NR3C2: variants seen among roughly 807,000 people sequenced by gnomAD.
NR3C2 encodes the protein nuclear receptor subfamily 3 group C member 2.
NR3C2 carries 15 observed loss-of-function variants against 86.4 expected under a neutral mutation model. That is an observed-to-expected ratio of 0.17 (90% CI 0.12 to 0.27). NR3C2 has a LOEUF of 0.27. Among genes scored for constraint, NR3C2 ranks in the 10% least tolerant of loss-of-function variants. NR3C2 has a pLI of 1.00. For missense variants in NR3C2, 960 were observed against 1,195.6 expected (o/e 0.80, Z 2.91); for synonymous variants, 458 against 450.5 (o/e 1.02, Z -0.21).
intron 8 of NR3C2, among the ~76,000 whole-genome samples, chr4:148,088,250 CTT>C (rs1730906186): frequency 6.6e-6 from 1 of 152,198 alleles, no homozygotes. Flanking sequence ...AATAAGAACA[CTT>C]TTATACTGTT....
intron 2 of NR3C2, among the ~76,000 whole-genome samples, chr4:148,314,059 C>T (rs1346829061): frequency 1.3e-5 from 2 of 152,084 alleles, no homozygotes; most frequent in African/African-American, 4.8e-5. Flanking sequence ...ACTACAATTC[C>T]ACATGTGACT....
chr4:148,139,943 T>C (rs1733531964), intron 6 of NR3C2, among the ~76,000 whole-genome samples: 4 of 152,180 alleles, frequency 2.6e-5, no homozygotes, highest in African/African-American at 9.7e-5. Context: ...AATCGTGTGG[T>C]TCAATTTCAG....
intron 4 of NR3C2, among the ~76,000 whole-genome samples, chr4:148,175,689 T>C (rs950027050): frequency 1.6e-4 from 24 of 152,234 alleles, no homozygotes; most frequent in African/African-American, 5.8e-4. Flanking sequence ...TTTCTATTTT[T>C]CTACTGTAGT....
At chr4:148,355,426 C>A (rs1040771542) in intron 2 of NR3C2, among the ~76,000 whole-genome samples, 1 of 152,180 alleles carries the variant, frequency 6.6e-6, no homozygotes. Context: ...GAAGCCGCTA[C>A]CCTACTCCCA....
intron 2 of NR3C2, among the ~76,000 whole-genome samples, chr4:148,424,955 C>CAATT (rs1749457139): frequency 6.6e-6 from 1 of 152,154 alleles, no homozygotes; most frequent in East Asian, 1.9e-4. Flanking sequence ...TGTAAGTCAT[C>CAATT]AATTATCTTG....
intron 3 of NR3C2, among the ~76,000 whole-genome samples, chr4:148,222,245 A>C (rs1014346461): frequency 2.6e-5 from 4 of 152,234 alleles, no homozygotes; most frequent in Admixed American, 2.6e-4. Context: ...AATATCATCC[A>C]AAATGACACA....
chr4:148,403,189 C>T (rs1004836179), intron 2 of NR3C2, among the ~76,000 whole-genome samples: 4 of 152,062 alleles, frequency 2.6e-5, no homozygotes, highest in Non-Finnish European at 5.9e-5. Context: ...AAAATCCTTA[C>T]ATTTCCCCTC....
At chr4:148,226,529 A>C (rs2149833477) in intron 3 of NR3C2, among the ~76,000 whole-genome samples, 1 of 152,252 alleles carries the variant, frequency 6.6e-6, no homozygotes, top group African/African-American at 2.4e-5. Flanking sequence ...TCATGTGCAC[A>C]TATTTGTGTG....
At chr4:148,341,185 T>C (rs1366802349) in intron 2 of NR3C2, among the ~76,000 whole-genome samples, 1 of 152,104 alleles carries the variant, frequency 6.6e-6, no homozygotes, top group Non-Finnish European at 1.5e-5. Context: ...GCCCAAACTA[T>C]TCAATAGCCG....
intron 6 of NR3C2, among the ~76,000 whole-genome samples, chr4:148,135,706 A>G (rs1401597575): frequency 4.1e-3 from 1 of 246 alleles, no homozygotes; most frequent in African/African-American, 0.023. Context: ...AAAGTTTTCA[A>G]TTTAGGAGCA....
At chr4:148,360,439 T>C (rs1579204371) in intron 2 of NR3C2, among the ~76,000 whole-genome samples, 1 of 152,324 alleles carries the variant, frequency 6.6e-6, no homozygotes, top group Non-Finnish European at 1.5e-5. Context: ...TTTCCTACTC[T>C]ATGCTCTGTG....
At chr4:148,246,452 C>T (rs1338087328) in intron 3 of NR3C2, among the ~76,000 whole-genome samples, 1 of 152,236 alleles carries the variant, frequency 6.6e-6, no homozygotes, top group African/African-American at 2.4e-5. Flanking sequence ...ATCATATCCA[C>T]AAGTATCTGA....
chr4:148,156,472 CA>C (rs1734393127), intron 4 of NR3C2, among the ~76,000 whole-genome samples: 1 of 152,142 alleles, frequency 6.6e-6, no homozygotes, highest in Non-Finnish European at 1.5e-5. Context: ...AGACACTTCT[CA>C]AAAGAAGACA....
At chr4:148,166,941 G>T (rs1734907854) in intron 4 of NR3C2, among the ~76,000 whole-genome samples, 1 of 152,096 alleles carries the variant, frequency 6.6e-6, no homozygotes, top group South Asian at 2.1e-4. Flanking sequence ...CATTTAAATT[G>T]CTATTAATTT....
At chr4:148,225,245 C>T (rs527766156) in intron 3 of NR3C2, among the ~76,000 whole-genome samples, 1 of 152,230 alleles carries the variant, frequency 6.6e-6, no homozygotes, top group Admixed American at 6.5e-5. Flanking sequence ...TCTGGCTGGA[C>T]TATAGGAAAC....
intron 2 of NR3C2, among the ~76,000 whole-genome samples, chr4:148,272,593 C>A (rs1480493750): frequency 2.6e-5 from 4 of 152,132 alleles, no homozygotes; most frequent in Admixed American, 2.6e-4. Context: ...ACTGGCTTTA[C>A]TGCTCAATTT....
At chr4:148,320,766 C>T (rs1009963785) in intron 2 of NR3C2, among the ~76,000 whole-genome samples, 2 of 151,726 alleles carry the variant, frequency 1.3e-5, no homozygotes, top group African/African-American at 4.9e-5. Flanking sequence ...ATTCTTCTCT[C>T]TTTTTTTCTT....
intron 1 of NR3C2, among the ~76,000 whole-genome samples, chr4:148,437,324 C>T (rs1218524173): frequency 6.6e-6 from 1 of 152,134 alleles, no homozygotes; most frequent in Admixed American, 6.5e-5. Context: ...GTCTTTGGAT[C>T]ATATAGAAGC....
intron 3 of NR3C2, among the ~76,000 whole-genome samples, chr4:148,249,625 A>C: frequency 6.6e-6 from 1 of 152,234 alleles, no homozygotes; most frequent in East Asian, 1.9e-4. Context: ...TAGTAAAGAC[A>C]TTAAAGACTC....
Sources: allele counts gnomAD v4.1 joint callset (sites outside exome capture counted in the v4.1 genomes callset), GRCh38; gene constraint gnomAD v4.1.1; transcripts MANE v1.5; gene names NCBI Gene and HGNC (gene_info 2026-07-23, HGNC 2026-07-21).